PAK4: variants seen among roughly 807,000 people sequenced by gnomAD.
PAK4 encodes the protein serine/threonine-protein kinase PAK 4.
Under a neutral mutation model 53.5 loss-of-function variants are expected in PAK4, and 49 were observed. The ratio of observed to expected loss-of-function variants is 0.92; its 90% CI spans 0.73 to 1.16. The LOEUF (loss-of-function observed/expected upper bound fraction) is 1.16. PAK4 is among the 50% of genes most tolerant of loss of function. The probability of loss-of-function intolerance (pLI) is 0.00; values close to 1 mark genes in which losing one functional copy is unlikely to be tolerated. For missense variants in PAK4, 824 were observed against 850.7 expected, an observed-to-expected ratio of 0.97 and a Z score of 0.39; for synonymous variants, 376 against 375.6, an observed-to-expected ratio of 1.00 and a Z score of -0.01.
At chr19:39,129,199 G>C (rs2073652467) in intron 1 of PAK4, among the ~76,000 whole-genome samples, 1 of 152,014 alleles carries the variant, frequency 6.6e-6, no homozygotes, top group South Asian at 2.1e-4. Context: ...GCGCACACCT[G>C]CTCCCCGCTT....
At chr19:39,150,164 C>T (rs2074070071) in intron 1 of PAK4, among the ~76,000 whole-genome samples, 1 of 94,822 alleles carries the variant, frequency 1.1e-5, no homozygotes, top group African/African-American at 4.3e-5. Flanking sequence ...TCTGAGTTCT[C>T]TGTCCTGTTC....
At chr19:39,169,178 G>T (rs1157111266) in intron 1 of PAK4, among the ~76,000 whole-genome samples, 1 of 151,914 alleles carries the variant, frequency 6.6e-6, no homozygotes, top group Non-Finnish European at 1.5e-5. Flanking sequence ...GGGACGGGGA[G>T]CCCTGTGCAG....
At chr19:39,171,369 C>T (rs181066181) in intron 2 of PAK4, among the ~76,000 whole-genome samples, 2,838 of 152,262 alleles carry the variant, frequency 0.019, 46 homozygotes, top group Non-Finnish European at 0.029. Context: ...CCACTATGCC[C>T]ATCTAATTTT....
At chr19:39,147,688 A>G (rs970099948) in intron 1 of PAK4, among the ~76,000 whole-genome samples, 5 of 152,142 alleles carry the variant, frequency 3.3e-5, no homozygotes, top group African/African-American at 9.7e-5. Context: ...ATAAGTGTGC[A>G]GTGATAACTC....
Position 39,173,918 on chromosome 19 carries a change from T to TCA in PAK4, c.1006_1007insCA (p.Cys336SerfsTer34). The TCA allele has an allele frequency of 2.5e-6, 4 of 1,611,990 alleles. No individual in the cohort carries two copies. Among genetic ancestry groups the TCA allele is most frequent in the Non-Finnish European group, 3.4e-6 (4 of 1,179,620 alleles). On this transcript the variant is annotated frameshift_variant, in exon 4 of 9. Coordinates refer to ENST00000358301, the Ensembl canonical transcript of PAK4. LOFTEE classifies it high-confidence loss of function. The surrounding 1 kb of genome is among the most constrained non-coding windows in gnomAD (Gnocchi z 6.9). ...TGGCGAGGGCTCCACGGGCATCGTGTGCATCGCCACCGTGCGCAGCTCGGG... is the reference window on the plus strand; with the variant it reads ...TGGCGAGGGCTCCACGGGCATCGTGTCAGCATCGCCACCGTGCGCAGCTCGGG...
chr19:39,159,232 G>T (rs761053232), intron 1 of PAK4, among the ~76,000 whole-genome samples: 1 of 152,174 alleles, frequency 6.6e-6, no homozygotes, highest in African/African-American at 2.4e-5. Context: ...CCTGTACTGC[G>T]CCAGGCCTCT....
chr19:39,125,929 G>A lies in PAK4; in HGVS notation c.-23+10G>A, dbSNP rs1212347508. 2 of 152,810 alleles carry A rather than the reference G, an allele frequency of 1.3e-5. No homozygotes were observed. Among genetic ancestry groups the A allele is most frequent in the Non-Finnish European group, 2.9e-5 (2 of 68,428 alleles). 9.5% of individuals were successfully genotyped at this position (152,810 alleles called of 1,614,324 possible). A position where few individuals can be genotyped will look rare whatever the true frequency, so the allele number is the denominator to read the frequency against. On this transcript the variant is annotated intron_variant, in intron 1 of 8. Transcript: ENST00000358301. ...CTGCGGCGCCGAGCCGGTAGGATAA[G>A]GGGTCCGGCCAGGGGCTTGCGGTGG...
intron 1 of PAK4, among the ~76,000 whole-genome samples, chr19:39,146,898 G>C (rs2074008005): frequency 6.6e-6 from 1 of 151,332 alleles, no homozygotes; most frequent in South Asian, 2.1e-4. Context: ...GGAGAGGGGG[G>C]AAGGAAGGAA....
intron 1 of PAK4, among the ~76,000 whole-genome samples, chr19:39,165,650 C>T (rs1314054683): frequency 1.3e-5 from 2 of 152,328 alleles, no homozygotes; most frequent in East Asian, 1.9e-4. Context: ...CATACACAAC[C>T]GCCCAGGTTC....
chr19:39,172,352 G>GTCCCCA (rs2074497914), intron 2 of PAK4, among the ~76,000 whole-genome samples: 2 of 152,144 alleles, frequency 1.3e-5, no homozygotes, highest in Non-Finnish European at 2.9e-5. Context: ...GCTCTGCCTG[G>GTCCCCA]TCCCCATCTG....
intron 6 of PAK4, 149 bp from the exon 8 acceptor site, chr19:39,176,441 C>T: frequency 9.5e-7 from 1 of 1,049,134 alleles, no homozygotes. Context: ...ATTGGTCTGG[C>T]TCTAGACCCC....
Position 39,173,741 on chromosome 19 carries a change from A to C in PAK4, c.829A>C (p.Thr277Pro). ...GCCCCAGCTGGCCCCTCCAGCCTGCACCCCCGCCGCCCCTGCTGTTCCTGG... is the reference window on the plus strand; with the variant it reads ...GCCCCAGCTGGCCCCTCCAGCCTGCCCCCCCGCCGCCCCTGCTGTTCCTGG... Residue 277 changes from threonine to proline, a missense_variant, in exon 4 of 9, where the codon ACC becomes CCC. Physicochemically the swap from Thr to Pro is conservative, Grantham distance 38 (BLOSUM62 -1). Around this residue, in one of 2 missense-constraint regions of PAK4, gnomAD observed 478 missense variants for 435.8 expected, o/e 1.10. Transcript: ENST00000358301. This position sits in a 1 kb window ranked among gnomAD's most constrained non-coding sequence, Gnocchi z 6.9. 1 of 1,569,356 alleles carries C rather than the reference A, an allele frequency of 6.4e-7. No individual in the cohort carries two copies.
At chr19:39,140,065 C>T (rs769408544) in intron 1 of PAK4, among the ~76,000 whole-genome samples, 5 of 152,166 alleles carry the variant, frequency 3.3e-5, no homozygotes, top group Non-Finnish European at 7.4e-5. Context: ...CAGTCTCTGT[C>T]ACTGTCTTAT....
At chr19:39,126,433 A>G (rs1007817272) in intron 1 of PAK4, among the ~76,000 whole-genome samples, 1 of 14,376 alleles carries the variant, frequency 7.0e-5, no homozygotes, top group Non-Finnish European at 1.3e-4. Flanking sequence ...AGGAGGGCGT[A>G]TTGCGGGGGA....
rs531781306 is a variant in PAK4, at chr19:39,144,968, A to C, written c.-23+19049A>C. Among the ~76,000 whole-genome samples the C allele has an allele frequency of 2.0e-5, 3 of 152,286 alleles. No individual in the cohort carries two copies. In the South Asian group the frequency reaches 6.2e-4, roughly 32 times the overall value. On this transcript the variant is annotated intron_variant, in intron 1 of 8. Transcript: ENST00000358301. ...GTGTAAAACCTCCATGTTCAGTTTA[A>C]TGAATAATTATAAAGCAAACAGCCA...
chr19:39,152,709 G>C (rs1267265321), intron 1 of PAK4, among the ~76,000 whole-genome samples: 2 of 152,182 alleles, frequency 1.3e-5, no homozygotes, highest in East Asian at 3.8e-4. Context: ...GTTTGGGGGG[G>C]TGGAAGACAG....
intron 1 of PAK4, among the ~76,000 whole-genome samples, chr19:39,127,980 G>C (rs568520540): frequency 2.0e-4 from 31 of 152,266 alleles, no homozygotes; most frequent in African/African-American, 6.7e-4. Flanking sequence ...GACGCTGAGG[G>C]GACTCAGCTT....
chr19:39,157,984 C>T (rs2144752229), intron 1 of PAK4, among the ~76,000 whole-genome samples: 1 of 152,270 alleles, frequency 6.6e-6, no homozygotes, highest in South Asian at 2.1e-4. Context: ...TCCTCACATG[C>T]ATCTGTGTCT....
At chr19:39,139,909 T>C (rs958119887) in intron 1 of PAK4, among the ~76,000 whole-genome samples, 2 of 152,162 alleles carry the variant, frequency 1.3e-5, no homozygotes, top group Non-Finnish European at 2.9e-5. Flanking sequence ...CAAATGTGTT[T>C]TAGCTTTTGG....
Sources: gnomAD v4.1 joint callset for allele counts (sites outside exome capture counted in the v4.1 genomes callset) on GRCh38, gnomAD v4.1.1 for gene constraint, gnomAD v4.1.1 regional missense constraint, Gnocchi (gnomAD v3.1) non-coding constraint, MANE v1.5 for transcripts, NCBI Gene and HGNC (gene_info 2026-07-23, HGNC 2026-07-21) for gene names.